TAOK3: variants seen among roughly 807,000 people sequenced by gnomAD.
TAOK3 encodes the protein TAO kinase 3.
In TAOK3, 40 loss-of-function variants were observed where a neutral mutation model predicts 120.4. The observed-to-expected ratio is 0.33, with a 90% CI of 0.26 to 0.43. The LOEUF is 0.43. Among genes scored for constraint, TAOK3 ranks in the 20% least tolerant of loss-of-function variants. The pLI is 1.00. For synonymous variants in TAOK3, 355 were observed against 387.5 expected, an observed-to-expected ratio of 0.92 and a Z score of 0.99; for missense variants, 821 against 1,112.1, an observed-to-expected ratio of 0.74 and a Z score of 3.72.
At chr12:118,210,702 A>G (rs1428725007) in intron 11 of TAOK3, among the ~76,000 whole-genome samples, 1 of 149,268 alleles carries the variant, frequency 6.7e-6, no homozygotes, top group African/African-American at 2.5e-5. Flanking sequence ...CTTAACATCA[A>G]CTGGCACTAT....
chr12:118,182,599 G>GTA (rs1212615187), intron 14 of TAOK3, among the ~76,000 whole-genome samples: 10,868 of 93,132 alleles, frequency 0.12, 972 homozygotes, highest in South Asian at 0.18. Flanking sequence ...GTGTGTGTGT[G>GTA]TATATATATA....
intron 17 of TAOK3, among the ~76,000 whole-genome samples, chr12:118,162,647 GA>G (rs2035295440): frequency 7.3e-5 from 11 of 151,710 alleles, no homozygotes; most frequent in African/African-American, 2.7e-4. Flanking sequence ...TAAAATCTCA[GA>G]GTTCAAGGCA....
At chr12:118,305,437 C>T (rs1035248440) in intron 1 of TAOK3, among the ~76,000 whole-genome samples, 1 of 152,058 alleles carries the variant, frequency 6.6e-6, no homozygotes, top group African/African-American at 2.4e-5. Flanking sequence ...TGTGCCACTG[C>T]ACTCCAGCCT....
At chr12:118,315,224 A>G (rs1439139676) in intron 1 of TAOK3, among the ~76,000 whole-genome samples, 1 of 152,200 alleles carries the variant, frequency 6.6e-6, no homozygotes, top group African/African-American at 2.4e-5. Context: ...CACACCCAGC[A>G]GAAAATTTTT....
chr12:118,220,382 ACT>A (rs756238879), intron 9 of TAOK3, among the ~76,000 whole-genome samples: 3 of 152,084 alleles, frequency 2.0e-5, no homozygotes, highest in Non-Finnish European at 2.9e-5. Flanking sequence ...CACAGAATAA[ACT>A]CTGTCAACAA....
intron 1 of TAOK3, among the ~76,000 whole-genome samples, chr12:118,342,844 G>A (rs2044672947): frequency 1.3e-5 from 2 of 150,988 alleles, no homozygotes; most frequent in South Asian, 2.1e-4. Flanking sequence ...TGAGGCAGGA[G>A]GATCACTTGC....
chr12:118,359,505 CAGG>C (rs946995711), intron 1 of TAOK3: 3 of 152,218 alleles, frequency 2.0e-5, no homozygotes, highest in Admixed American at 6.5e-5. Context: ...AATTTACTTA[CAGG>C]AGGACAACTC....
At chr12:118,366,469 AT>A (rs1007944488) in intron 1 of TAOK3, among the ~76,000 whole-genome samples, 1 of 152,190 alleles carries the variant, frequency 6.6e-6, no homozygotes, top group Admixed American at 6.5e-5. Flanking sequence ...AGCCAATATC[AT>A]TAGAAAGTGA....
intron 1 of TAOK3, among the ~76,000 whole-genome samples, chr12:118,351,857 T>C (rs2045172342): frequency 6.8e-6 from 1 of 147,626 alleles, no homozygotes; most frequent in Admixed American, 6.9e-5. Context: ...ATATTTAATC[T>C]ATAGTTCTTT....
chr12:118,153,457 T>G (rs541937662), intron 19 of TAOK3, among the ~76,000 whole-genome samples: 1 of 152,300 alleles, frequency 6.6e-6, no homozygotes, highest in East Asian at 1.9e-4. Context: ...TTGACAATTT[T>G]AAGAGGCATA....
At chr12:118,251,915 G>A (rs377648527) in intron 3 of TAOK3, among the ~76,000 whole-genome samples, 6 of 151,236 alleles carry the variant, frequency 4.0e-5, no homozygotes, top group African/African-American at 1.2e-4. Context: ...TCCACCTCCC[G>A]GGTTCATGCC....
At chr12:118,283,915 T>C (rs762078551) in intron 1 of TAOK3, among the ~76,000 whole-genome samples, 45 of 152,196 alleles carry the variant, frequency 3.0e-4, no homozygotes, top group Admixed American at 7.2e-4. Flanking sequence ...TGGGTCTAGA[T>C]TGTCAAGGAG....
intron 1 of TAOK3, among the ~76,000 whole-genome samples, chr12:118,352,458 T>C (rs960580767): frequency 6.6e-5 from 10 of 151,496 alleles, no homozygotes; most frequent in African/African-American, 2.2e-4. Context: ...TGAGCCAAGA[T>C]TGCGCCACTG....
chr12:118,234,447 T>G (rs894286084), intron 8 of TAOK3, among the ~76,000 whole-genome samples: 3 of 151,978 alleles, frequency 2.0e-5, no homozygotes, highest in African/African-American at 2.4e-5. Flanking sequence ...GGTTTCACCA[T>G]GTTAGCCAGG....
chr12:118,199,338 C>T (rs1357453770), intron 12 of TAOK3, 81 bp from the exon 13 acceptor site: 16 of 1,163,146 alleles, frequency 1.4e-5, no homozygotes, highest in Non-Finnish European at 1.9e-5. Flanking sequence ...CAAGCACACT[C>T]AATTTTGCAG....
At chr12:118,232,853 C>T (rs1045811395) in intron 9 of TAOK3, among the ~76,000 whole-genome samples, 2 of 151,932 alleles carry the variant, frequency 1.3e-5, no homozygotes, top group East Asian at 1.9e-4. Context: ...TGCAATGAGC[C>T]GAGATTGTGC....
At chr12:118,215,069 G>C (rs1226211409) in intron 9 of TAOK3, among the ~76,000 whole-genome samples, 4 of 150,850 alleles carry the variant, frequency 2.7e-5, no homozygotes, top group Non-Finnish European at 4.4e-5. Context: ...TTAGTAGAGA[G>C]GGGGTTTCCT....
chr12:118,167,457 T>TTCAACAAAATGTTGAA (rs2035674734), intron 17 of TAOK3, among the ~76,000 whole-genome samples: 1 of 151,964 alleles, frequency 6.6e-6, no homozygotes, highest in Non-Finnish European at 1.5e-5. Context: ...TTAATAATAC[T>TTCAACAAAATGTTGAA]GTAAAACTTC....
chr12:118,241,501 A>C (rs1593268388), intron 5 of TAOK3, among the ~76,000 whole-genome samples: 1 of 152,254 alleles, frequency 6.6e-6, no homozygotes. Context: ...TAGCTGCATT[A>C]AATGTTTTAA....
Sources: gnomAD v4.1 joint callset for allele counts (sites outside exome capture counted in the v4.1 genomes callset) on GRCh38, gnomAD v4.1.1 for gene constraint, MANE v1.5 for transcripts, NCBI Gene and HGNC (gene_info 2026-07-23, HGNC 2026-07-21) for gene names.